The following MFHAS1 variants were observed in gnomAD, a reference collection of about 807,000 sequenced individuals.
MFHAS1 encodes multifunctional ROCO family signaling regulator 1.
Under a neutral mutation model 70.4 loss-of-function variants are expected in MFHAS1, and 50 were observed. The ratio of observed to expected loss-of-function variants is 0.71; its 90% CI spans 0.57 to 0.90. MFHAS1 has a LOEUF of 0.90. MFHAS1 is among the 40% of genes least tolerant of loss of function. The probability of loss-of-function intolerance (pLI) is 0.00; values close to 1 mark genes in which losing one functional copy is unlikely to be tolerated. For missense variants in MFHAS1, 1,795 were observed against 1,347.6 expected, an observed-to-expected ratio of 1.33 and a Z score of -5.20; for synonymous variants, 952 against 620.0, an observed-to-expected ratio of 1.54 and a Z score of -7.96.
chr8:8,878,157 C>T (rs1238747595), intron 1 of MFHAS1, among the ~76,000 whole-genome samples: 1 of 152,154 alleles, frequency 6.6e-6, no homozygotes, highest in East Asian at 1.9e-4. Flanking sequence ...GCACGGGCAG[C>T]TCCTGTGCAG....
At chr8:8,858,150 G>A (rs955479508) in intron 1 of MFHAS1, among the ~76,000 whole-genome samples, 2 of 152,140 alleles carry the variant, frequency 1.3e-5, no homozygotes, top group Admixed American at 6.6e-5. Context: ...GAGCACAGGG[G>A]GTATACAAGG....
At chr8:8,853,655 C>G (rs1264249515) in intron 1 of MFHAS1, among the ~76,000 whole-genome samples, 2 of 152,148 alleles carry the variant, frequency 1.3e-5, no homozygotes, top group Non-Finnish European at 2.9e-5. Context: ...CAAACTCCGC[C>G]TCCAGGGTTC....
intron 1 of MFHAS1, among the ~76,000 whole-genome samples, chr8:8,851,797 A>G (rs924998232): frequency 2.6e-5 from 4 of 152,238 alleles, no homozygotes; most frequent in African/African-American, 9.6e-5. Flanking sequence ...ATAGTAAACT[A>G]AGGTACATGG....
intron 1 of MFHAS1, among the ~76,000 whole-genome samples, chr8:8,828,497 G>T (rs1385439299): frequency 6.6e-6 from 1 of 152,142 alleles, no homozygotes; most frequent in Non-Finnish European, 1.5e-5. Context: ...CGTCTTCACA[G>T]AAAGAAGGTA....
intron 1 of MFHAS1, among the ~76,000 whole-genome samples, chr8:8,832,048 ACG>A (rs111233259): frequency 0.089 from 10,422 of 116,580 alleles, 428 homozygotes; most frequent in East Asian, 0.25. Flanking sequence ...GCGCACATGC[ACG>A]CGCGCGCGCG....
At chr8:8,807,259 T>C (rs111576536) in intron 1 of MFHAS1, among the ~76,000 whole-genome samples, 5,239 of 152,146 alleles carry the variant, frequency 0.034, 155 homozygotes, top group South Asian at 0.12. Context: ...TGGAATCTCA[T>C]TATCTCAGAA....
At chr8:8,830,749 C>G (rs993856002) in intron 1 of MFHAS1, among the ~76,000 whole-genome samples, 2 of 152,120 alleles carry the variant, frequency 1.3e-5, no homozygotes, top group African/African-American at 4.8e-5. Context: ...ATTACAGCAC[C>G]ACCATGCCCG....
rs978811078 is a variant in MFHAS1 at position 8,785,157 on chromosome 8, G to C, written c.*865C>G. 6.6e-6 allele frequency: 1 copy of C among 152,158 alleles called. No homozygotes were observed. The highest frequency in any genetic ancestry group is 2.4e-5 in the African/African-American group (1 of 41,418). 9.4% of individuals were successfully genotyped at this position (152,158 alleles called of 1,614,324 possible). On this transcript the variant is annotated 3_prime_UTR_variant, in exon 3 of 3. Coordinates refer to ENST00000276282, the MANE Select transcript of MFHAS1 (RefSeq NM_004225.3). ...TAAGCCATTAAAAGACTCAAGTTTT[G>C]CATGGACTTTTTGTCCTCTTTGGCC...
At chr8:8,823,918 C>T (rs887736552) in intron 1 of MFHAS1, among the ~76,000 whole-genome samples, 3 of 127,310 alleles carry the variant, frequency 2.4e-5, no homozygotes, top group African/African-American at 8.7e-5. Flanking sequence ...CAGAAAAGGC[C>T]TGTTACGCAG....
Position 8,866,991 on chromosome 8 carries a change from T to C in MFHAS1, c.2998+23070A>G, listed in dbSNP as rs1808883466. Among the ~76,000 whole-genome samples the C allele has an allele frequency of 2.0e-5, 3 of 152,194 alleles. No homozygotes were observed. In the South Asian group the frequency reaches 6.2e-4, roughly 32 times the overall value. On this transcript the variant is annotated intron_variant, in intron 1 of 2. Coordinates refer to ENST00000276282, the MANE Select transcript of MFHAS1 (RefSeq NM_004225.3). Reference sequence around the variant, plus strand: ...TCATTTGCAAGTCACTAAGAATAAATGTGAAGGTGACAGTGGGAAAAAAAA... The same window carrying C: ...TCATTTGCAAGTCACTAAGAATAAACGTGAAGGTGACAGTGGGAAAAAAAA...
intron 1 of MFHAS1, among the ~76,000 whole-genome samples, chr8:8,820,573 A>G (rs1806916887): frequency 6.6e-6 from 1 of 152,020 alleles, no homozygotes; most frequent in African/African-American, 2.4e-5. Context: ...GACTAATATC[A>G]TGAATTTTTT....
chr8:8,831,035 A>C (rs1263997347), intron 1 of MFHAS1, among the ~76,000 whole-genome samples: 1 of 152,092 alleles, frequency 6.6e-6, no homozygotes, highest in African/African-American at 2.4e-5. Context: ...AGAGGCTGGG[A>C]GGTCCAAGAT....
At chr8:8,873,718 C>T (rs1809179036) in intron 1 of MFHAS1, among the ~76,000 whole-genome samples, 1 of 152,128 alleles carries the variant, frequency 6.6e-6, no homozygotes, top group South Asian at 2.1e-4. Context: ...TAAAAACAAC[C>T]ACGCAGCGCG....
intron 1 of MFHAS1, among the ~76,000 whole-genome samples, chr8:8,883,252 C>T (rs1809599220): frequency 6.6e-6 from 1 of 152,220 alleles, no homozygotes; most frequent in Non-Finnish European, 1.5e-5. Context: ...AAACACAAAG[C>T]AGACCTCCAT....
chr8:8,810,337 G>A (rs1563183801), intron 1 of MFHAS1, among the ~76,000 whole-genome samples: 1 of 152,210 alleles, frequency 6.6e-6, no homozygotes, highest in African/African-American at 2.4e-5. Context: ...CTGTACTCCA[G>A]TATGGGCGGC....
intron 1 of MFHAS1, among the ~76,000 whole-genome samples, chr8:8,830,833 G>A (rs1454495620): frequency 6.6e-6 from 1 of 152,154 alleles, no homozygotes; most frequent in Non-Finnish European, 1.5e-5. Flanking sequence ...CTGACCTCAG[G>A]TGATCCGCCC....
intron 1 of MFHAS1, among the ~76,000 whole-genome samples, chr8:8,874,998 A>G (rs1454721534): frequency 1.3e-5 from 2 of 152,118 alleles, no homozygotes; most frequent in African/African-American, 2.4e-5. Flanking sequence ...ACATTTATAC[A>G]AGAAAACGTT....
At chr8:8,865,646 T>C (rs918552386) in intron 1 of MFHAS1, among the ~76,000 whole-genome samples, 16 of 152,200 alleles carry the variant, frequency 1.1e-4, no homozygotes, top group African/African-American at 3.4e-4. Flanking sequence ...ATCACTCAAC[T>C]GTCAAATCCT....
At chr8:8,811,238 C>T (rs1341563968) in intron 1 of MFHAS1, among the ~76,000 whole-genome samples, 2 of 152,036 alleles carry the variant, frequency 1.3e-5, no homozygotes, top group Non-Finnish European at 2.9e-5. Context: ...CACTAAATTG[C>T]ACAACTAATT....
Sources: allele counts gnomAD v4.1 joint callset (sites outside exome capture counted in the v4.1 genomes callset), GRCh38; gene constraint gnomAD v4.1.1; transcripts MANE v1.5; gene names NCBI Gene and HGNC (gene_info 2026-07-23, HGNC 2026-07-21).